The following MASP1 variants were observed in gnomAD, a reference collection of about 807,000 sequenced individuals.
The protein encoded by MASP1 is MBL associated serine protease 1, also known as mannan-binding lectin serine protease 1.
MASP1 carries 59 observed loss-of-function variants against 77.1 expected under a neutral mutation model. That is an observed-to-expected ratio of 0.77 (90% CI 0.62 to 0.95). The LOEUF is 0.95. MASP1 is among the 40% of genes least tolerant of loss of function. The pLI is 0.00. For missense variants in MASP1, 885 were observed against 912.9 expected (o/e 0.97, Z 0.39); for synonymous variants, 362 against 354.5 (o/e 1.02, Z -0.24).
intron 2 of MASP1, among the ~76,000 whole-genome samples, chr3:187,274,026 T>C (rs1472392282): frequency 6.6e-6 from 1 of 151,980 alleles, no homozygotes; most frequent in East Asian, 1.9e-4. Context: ...TGGCCAACAT[T>C]GTGAAACCTT....
chr3:187,243,663 A>G (rs755968188), intron 8 of MASP1, 42 bp from the exon 9 acceptor site: 1 of 1,613,014 alleles, frequency 6.2e-7, no homozygotes, highest in Admixed American at 1.7e-5. Context: ...CCTTTTGCTC[A>G]TCCTCCTTTG....
At chr3:187,253,019 AAAGCACGTG>A in intron 6 of MASP1, 140 bp downstream of exon 6, 1 of 915,840 alleles carries the variant, frequency 1.1e-6, no homozygotes, top group Non-Finnish European at 1.7e-6. Flanking sequence ...GAGTCAGGAG[AAAGCACGTG>A]CCTTGGTCCC....
intron 13 of MASP1, among the ~76,000 whole-genome samples, chr3:187,224,475 T>C (rs1008636474): frequency 2.0e-5 from 3 of 150,052 alleles, no homozygotes; most frequent in African/African-American, 7.3e-5. Flanking sequence ...GCCTCCCAAG[T>C]AGCTGGGACT....
intron 4 of MASP1, among the ~76,000 whole-genome samples, chr3:187,259,826 C>T (rs1456166530): frequency 1.3e-5 from 2 of 152,324 alleles, no homozygotes; most frequent in Admixed American, 6.5e-5. Context: ...AGTGATCCCT[C>T]ACTCAGCTTC....
chr3:187,223,262 C>T, intron 13 of MASP1: 3 of 1,204,252 alleles, frequency 2.5e-6, no homozygotes, highest in Non-Finnish European at 3.7e-6. Context: ...GTGCAGCTTG[C>T]AGCTCCATCA....
intron 2 of MASP1, among the ~76,000 whole-genome samples, chr3:187,278,348 A>T (rs1324012211): frequency 6.6e-6 from 1 of 152,176 alleles, no homozygotes; most frequent in Non-Finnish European, 1.5e-5. Flanking sequence ...TGTGAGGAAG[A>T]CGTTGTATTC....
chr3:187,237,835 A>G (rs1308904020), intron 10 of MASP1, among the ~76,000 whole-genome samples: 2 of 152,212 alleles, frequency 1.3e-5, no homozygotes, highest in African/African-American at 4.8e-5. Flanking sequence ...GCTTTTGACA[A>G]TCCTTTAGAC....
intron 2 of MASP1, among the ~76,000 whole-genome samples, chr3:187,273,906 T>TA (rs1031985466): frequency 6.6e-6 from 1 of 152,078 alleles, no homozygotes; most frequent in Admixed American, 6.5e-5. Flanking sequence ...CTTTCGGCCA[T>TA]AAAAAAAGAG....
intron 8 of MASP1, among the ~76,000 whole-genome samples, chr3:187,247,868 A>G (rs892180555): frequency 5.3e-5 from 8 of 152,180 alleles, no homozygotes; most frequent in African/African-American, 1.7e-4. Flanking sequence ...CCCTTTCTCT[A>G]TCACTGTTTA....
downstream of MASP1, chr3:187,229,942 C>A: frequency 6.2e-7 from 1 of 1,608,790 alleles, no homozygotes; most frequent in Non-Finnish European, 8.5e-7. Flanking sequence ...ACTCTGGGCT[C>A]CATCTTGCCC....
At chr3:187,286,154 T>C in intron 1 of MASP1, 98 bp from the exon 2 acceptor site, 1 of 980,142 alleles carries the variant, frequency 1.0e-6, no homozygotes, top group Admixed American at 1.9e-5. Context: ...AGCATGTCTC[T>C]GTCTCTGGCC....
In MASP1 at chr3:187,234,522, G is replaced by T. The variant is rs1712975823; in HGVS notation, c.*1162C>A. The T allele has an allele frequency of 7.8e-7, 1 of 1,286,674 alleles. No homozygotes were observed. 79.7% of individuals were successfully genotyped at this position (1,286,674 alleles called of 1,614,324 possible). On this transcript the variant is annotated 3_prime_UTR_variant, in exon 11 of 11. Transcript: ENST00000296280. ...TACAGCCAGTTGGGGGCAGAGCAGG[G>T]ACTAGAACCCAGGACTCCTGGCTCT...
chr3:187,235,994 G>C lies in MASP1; in HGVS notation c.1877C>G (p.Pro626Arg), dbSNP rs751007839. Residue 626 changes from proline to arginine, a missense_variant, in exon 11 of 11, where the codon CCT becomes CGT. By Grantham distance (103) the Pro-to-Arg change is moderately radical. Transcript: ENST00000296280. The stretch of plus-strand genomic sequence containing the variant: ...ATAGCTAGTTTTGCACTCAGCGTGA[G>C]GCACCACGGGTAACTTGACATACTG... The part of the protein sequence containing the change: ...VLQYVKLPVV[P>R]HAECKTSYES... 3 of 1,614,232 alleles carry C rather than the reference G, an allele frequency of 1.9e-6. No individual in the cohort carries two copies. Among genetic ancestry groups the C allele is most frequent in the Non-Finnish European group, 2.5e-6 (3 of 1,180,052 alleles).
intron 2 of MASP1, among the ~76,000 whole-genome samples, chr3:187,274,206 A>G (rs77276675): frequency 1.4e-5 from 2 of 144,204 alleles, no homozygotes; most frequent in Non-Finnish European, 3.0e-5. Context: ...AGACTCCATA[A>G]AAAAAAAAAA....
chr3:187,291,429 TA>T, intron 1 of MASP1, 198 bp downstream of exon 1: 1 of 663,610 alleles, frequency 1.5e-6, no homozygotes, highest in Non-Finnish European at 2.7e-6. Context: ...TTTCAAGTTT[TA>T]TGTCTCCTGG....
At position 187,253,190 on chromosome 3, in the gene MASP1, C is replaced by T. The variant is rs763360042; in HGVS notation, c.870G>A (p.Trp290Ter). ...HSDNSGENRG[W>*]RLSYRAAGNE... ...TACCTGCAGCCCTGTATGAGAGCCT[C>T]CAGCCCCGGTTCTCTCCCGAGTTGT... The change falls in exon 6 of 11, where the codon TGG becomes TGA. Residue 290 changes from tryptophan (W) to a stop codon, truncating the protein, a stop_gained. Transcript: ENST00000296280. LOFTEE classifies it high-confidence loss of function. The T allele has an allele frequency of 5.0e-6, 8 of 1,613,996 alleles. No homozygotes were observed. Among genetic ancestry groups the T allele is most frequent in the Non-Finnish European group, 6.8e-6 (8 of 1,180,018 alleles).
intron 2 of MASP1, among the ~76,000 whole-genome samples, chr3:187,266,696 A>G (rs775767944): frequency 6.6e-6 from 1 of 152,156 alleles, no homozygotes; most frequent in Non-Finnish European, 1.5e-5. Flanking sequence ...GGGCTCTGTT[A>G]AGGACAGAGA....
chr3:187,220,749 C>A (rs767794965), intron 15 of MASP1, among the ~76,000 whole-genome samples: 1 of 152,176 alleles, frequency 6.6e-6, no homozygotes, highest in Non-Finnish European at 1.5e-5. Context: ...CCACCCGCCT[C>A]GGCCTCCCAA....
In MASP1 at chr3:187,234,462, A is replaced by T. The variant is rs1243314775; in HGVS notation, c.*1222T>A. The T allele has an allele frequency of 7.8e-7, 1 of 1,285,390 alleles. No individual in the cohort carries two copies. The highest frequency in any genetic ancestry group is 1.0e-6 in the Non-Finnish European group (1 of 987,092). The allele number at this position is 1,285,390 out of a possible 1,614,324, so 79.6% of individuals were successfully genotyped here. A position where few individuals can be genotyped will look rare whatever the true frequency, so the allele number is the denominator to read the frequency against. ...CAGCCTGTTGCTGACGGAGAACCAGAGACTCAGACAAAGAAAATGATTTTT... is the reference window on the plus strand; with the variant it reads ...CAGCCTGTTGCTGACGGAGAACCAGTGACTCAGACAAAGAAAATGATTTTT... On this transcript the variant is annotated 3_prime_UTR_variant, in exon 11 of 11. Transcript: ENST00000296280.
Sources: allele counts gnomAD v4.1 joint callset (sites outside exome capture counted in the v4.1 genomes callset), GRCh38; gene constraint gnomAD v4.1.1; transcripts MANE v1.5; gene names NCBI Gene and HGNC (gene_info 2026-07-23, HGNC 2026-07-21).